Variants in MYH13 observed in about 807,000 individuals in gnomAD.
MYH13 encodes myosin heavy chain 13, also known as myosin-13.
In MYH13, 177 loss-of-function variants were observed where a neutral mutation model predicts 232.1. The ratio of observed to expected loss-of-function variants is 0.76; its 90% CI spans 0.67 to 0.86. The LOEUF is 0.86. Among genes scored for constraint, MYH13 ranks in the 40% least tolerant of loss-of-function variants. The probability of loss-of-function intolerance (pLI) is 0.00; values close to 1 mark genes in which losing one functional copy is unlikely to be tolerated. For synonymous variants in MYH13, 884 were observed against 923.5 expected (o/e 0.96, Z 0.78); for missense variants, 2,246 against 2,405.9 (o/e 0.93, Z 1.39).
intron 11 of MYH13, among the ~76,000 whole-genome samples, chr17:10,353,908 G>A (rs8068826): frequency 0.81 from 121,244 of 150,408 alleles, 49,047 homozygotes; most frequent in East Asian, 0.94. Context: ...GAAGAAAGAA[G>A]GAGAGAGAGA....
intron 40 of MYH13, 124 bp downstream of exon 40, chr17:10,301,445 G>C (rs1906085838): frequency 2.1e-6 from 3 of 1,432,744 alleles, no homozygotes; most frequent in Non-Finnish European, 2.9e-6. Context: ...GCTCTTACCT[G>C]GTCCCCACAT....
chr17:10,330,981 C>T (rs969568004), intron 20 of MYH13, among the ~76,000 whole-genome samples: 1 of 152,072 alleles, frequency 6.6e-6, no homozygotes, highest in Non-Finnish European at 1.5e-5. Flanking sequence ...TGCACCATTG[C>T]ACTCCAGCCT....
rs775127686 is a variant in MYH13, at chr17:10,324,059, G to C, written c.2897C>G (p.Thr966Arg). 3 of 1,613,834 alleles carry C rather than the reference G, an allele frequency of 1.9e-6. No individual in the cohort carries two copies. The Admixed American group carries it at 5.0e-5, about 27-fold the overall frequency. ...GGCATGCTTCTCCTTTTCAACTTTC[G>C]TCAAGGTCAGCTCCAGGTCATCAAT... ...RDIDDLELTL[T>R]KVEKEKHATE... Residue 966 changes from threonine (T) to arginine (R), a missense_variant, in exon 23 of 41, where the codon ACG (threonine) becomes AGG (arginine). Coordinates refer to ENST00000252172, the MANE Select transcript of MYH13 (RefSeq NM_003802.3).
chr17:10,371,276 A>G lies in MYH13; in HGVS notation c.-63-17T>C, dbSNP rs991225970. On this transcript the variant is annotated splice_polypyrimidine_tract_variant and intron_variant, in intron 1 of 40. Coordinates refer to ENST00000252172, the MANE Select transcript of MYH13 (RefSeq NM_003802.3). ...AGCGTCTTCCTGGGGATAATTTGAG[A>G]AAAAAAAACAAACCAAAAAAACCCA... 11 of 142,794 alleles carry G rather than the reference A, an allele frequency of 7.7e-5. No homozygotes were observed. The highest frequency in any genetic ancestry group is 1.4e-4 in the Non-Finnish European group (9 of 63,812). 8.8% of individuals were successfully genotyped at this position (142,794 alleles called of 1,614,324 possible). A position where few individuals can be genotyped will look rare whatever the true frequency, so the allele number is the denominator to read the frequency against.
intron 32 of MYH13, 45 bp downstream of exon 32, chr17:10,311,866 G>T: frequency 6.2e-7 from 1 of 1,608,926 alleles, no homozygotes; most frequent in East Asian, 2.2e-5. Context: ...GGGTTGGCAG[G>T]AGGAGAGGGG....
intron 19 of MYH13, among the ~76,000 whole-genome samples, 169 bp from the exon 20 acceptor site, chr17:10,332,391 G>A (rs1316638915): frequency 6.6e-6 from 1 of 152,182 alleles, no homozygotes; most frequent in Non-Finnish European, 1.5e-5. Flanking sequence ...AAGGGGGCTT[G>A]AATCAGCCCC....
At chr17:10,348,235 C>G (rs2071682936) in intron 12 of MYH13, among the ~76,000 whole-genome samples, 1 of 152,220 alleles carries the variant, frequency 6.6e-6, no homozygotes, top group African/African-American at 2.4e-5. Flanking sequence ...ATCCTTCTCT[C>G]TCTTGCCCCT....
At chr17:10,310,094 G>GTTTTT (rs61271828) in intron 33 of MYH13, among the ~76,000 whole-genome samples, 3 of 132,072 alleles carry the variant, frequency 2.3e-5, no homozygotes, top group African/African-American at 8.4e-5. Flanking sequence ...TAGGTTTTGT[G>GTTTTT]TTTTTTTTTT....
rs765705838 is a variant in MYH13 at position 10,306,990 on chromosome 17, C to G, written c.5244G>C (p.Ser1748=). 6.2e-7 allele frequency: 1 copy of G among 1,614,026 alleles called. No individual in the cohort carries two copies. Residue 1748 remains serine (S), a synonymous_variant, in exon 36 of 41, where the codon TCG becomes TCC. Coordinates refer to ENST00000252172, the MANE Select transcript of MYH13 (RefSeq NM_003802.3). This position sits in a 1 kb window ranked among gnomAD's most constrained non-coding sequence, Gnocchi z 4.3. ...IAQCQAEVEN[S]IQESRNAEEK... ...CCTCTGCGTTCCTGGACTCCTGGATCGAGTTCTCCACCTCTGCCTGGCACT... is the reference window on the plus strand; with the variant it reads ...CCTCTGCGTTCCTGGACTCCTGGATGGAGTTCTCCACCTCTGCCTGGCACT...
At chr17:10,344,276 T>A (rs2071643326) in intron 15 of MYH13, among the ~76,000 whole-genome samples, 167 bp from the exon 16 acceptor site, 1 of 152,188 alleles carries the variant, frequency 6.6e-6, no homozygotes, top group South Asian at 2.1e-4. Flanking sequence ...GACCAGAAAG[T>A]GCTAGGCATA....
At chr17:10,370,744 G>A (rs1031684037) in intron 2 of MYH13, among the ~76,000 whole-genome samples, 5 of 152,216 alleles carry the variant, frequency 3.3e-5, no homozygotes, top group Non-Finnish European at 4.4e-5. Context: ...ATAAACACAC[G>A]TTTTAAGGGG....
At chr17:10,318,666 A>G in intron 27 of MYH13, 124 bp downstream of exon 27, 1 of 1,288,066 alleles carries the variant, frequency 7.8e-7, no homozygotes, top group Non-Finnish European at 1.1e-6. Context: ...AACAGGCAGA[A>G]ATAGGGAAGA....
intron 22 of MYH13, among the ~76,000 whole-genome samples, 171 bp from the exon 23 acceptor site, chr17:10,324,435 A>G (rs191998564): frequency 2.0e-5 from 3 of 152,218 alleles, no homozygotes; most frequent in East Asian, 1.9e-4. Flanking sequence ...ATAAACTTAG[A>G]TATCACCCAT....
In MYH13 at chr17:10,313,195, C is replaced by T. The variant is rs748820887; in HGVS notation, c.4144G>A (p.Asp1382Asn). 10 of 1,614,080 alleles carry T rather than the reference C, an allele frequency of 6.2e-6. No individual in the cohort carries two copies. In the East Asian group the frequency reaches 2.2e-4, roughly 36 times the overall value. ...VAQWRTKYETDAIQRTEELEE... is the reference protein window; with the variant it reads ...VAQWRTKYETNAIQRTEELEE... Reference sequence around the variant, plus strand: ...AGCTCCTCTGTGCGCTGAATGGCGTCCGTCTCGTATTTGGTCCTCCACTGG... The same window carrying T: ...AGCTCCTCTGTGCGCTGAATGGCGTTCGTCTCGTATTTGGTCCTCCACTGG... The change falls in exon 30 of 41, where the codon GAC becomes AAC. Residue 1382 changes from aspartate (D) to asparagine (N), a missense_variant. By Grantham distance (23) the Asp-to-Asn change is conservative. Coordinates refer to ENST00000252172, the MANE Select transcript of MYH13 (RefSeq NM_003802.3).
intron 23 of MYH13, among the ~76,000 whole-genome samples, chr17:10,322,719 C>T (rs1005512054): frequency 2.6e-5 from 4 of 151,116 alleles, no homozygotes; most frequent in South Asian, 4.2e-4. Context: ...CTGCAAGCTC[C>T]GCCTCCCGGG....
rs1906318079 is a variant in MYH13, at chr17:10,307,069, A to G, written c.5170-5T>C. The G allele has an allele frequency of 6.2e-7, 1 of 1,606,392 alleles. No individual in the cohort carries two copies. Among genetic ancestry groups the G allele is most frequent in the African/African-American group, 1.3e-5 (1 of 74,944 alleles). ...GGTATTTATCAGGCTTGTGTTCTAC[A>G]AGAAGAATTAGATATCAGGGGTGTG... On this transcript the variant is annotated splice_polypyrimidine_tract_variant and splice_region_variant and intron_variant, in intron 35 of 40. Transcript: ENST00000252172.
chr17:10,303,756 C>A (rs1376747788), intron 37 of MYH13, among the ~76,000 whole-genome samples: 1 of 152,146 alleles, frequency 6.6e-6, no homozygotes, highest in African/African-American at 2.4e-5. Context: ...CCATTTGACC[C>A]AGTAATCCCA....
intron 2 of MYH13, among the ~76,000 whole-genome samples, chr17:10,368,434 C>T (rs549079161): frequency 2.0e-5 from 3 of 152,148 alleles, no homozygotes; most frequent in Non-Finnish European, 4.4e-5. Context: ...ATAAAATGGC[C>T]AGTTCAGCTT....
intron 5 of MYH13, among the ~76,000 whole-genome samples, chr17:10,361,285 C>T (rs1462712857): frequency 6.7e-6 from 1 of 148,290 alleles, no homozygotes; most frequent in African/African-American, 2.5e-5. Flanking sequence ...GATTCAGATG[C>T]TAGACTCTTT....
Sources: gnomAD v4.1 joint callset for allele counts (sites outside exome capture counted in the v4.1 genomes callset) on GRCh38, gnomAD v4.1.1 for gene constraint, Gnocchi (gnomAD v3.1) non-coding constraint, MANE v1.5 for transcripts, NCBI Gene and HGNC (gene_info 2026-07-23, HGNC 2026-07-21) for gene names.